The following TMEM63C variants were observed in gnomAD, a reference collection of about 807,000 sequenced individuals.
TMEM63C encodes the protein transmembrane protein 63C.
TMEM63C carries 32 observed loss-of-function variants against 99.2 expected under a neutral mutation model. The observed-to-expected ratio is 0.32, with a 90% CI of 0.24 to 0.43. The LOEUF is 0.43. Ranked by LOEUF, TMEM63C falls within the 20% of genes least tolerant of loss-of-function variation. The probability of loss-of-function intolerance (pLI) is 1.00; values close to 1 mark genes in which losing one functional copy is unlikely to be tolerated. For missense variants in TMEM63C, 826 were observed against 1,053.0 expected (o/e 0.78, Z 2.98); for synonymous variants, 376 against 397.9 (o/e 0.94, Z 0.66).
chr14:77,229,915 C>T (rs1173838683), intron 6 of TMEM63C, among the ~76,000 whole-genome samples: 2 of 151,688 alleles, frequency 1.3e-5, no homozygotes, highest in Non-Finnish European at 2.9e-5. Flanking sequence ...AAATGTACAG[C>T]TCGGCCCGGC....
In TMEM63C at chr14:77,236,667, T is replaced by G. The variant is rs776965066; in HGVS notation, c.586T>G (p.Phe196Val). The part of the protein sequence containing the change: ...WLHSLLSFFY[F>V]ITNFMFMAHH... ...GCATAGCCTGCTGTCCTTCTTCTAC[T>G]TCATCACCAACTTCATGTTCATGGC... The change falls in exon 9 of 24, where the codon TTC becomes GTC. Residue 196 changes from phenylalanine to valine, a missense_variant. Transcript: ENST00000298351. 2 of 1,612,872 alleles carry G rather than the reference T, an allele frequency of 1.2e-6. No individual in the cohort carries two copies. Among genetic ancestry groups the G allele is most frequent in the Non-Finnish European group, 1.7e-6 (2 of 1,179,374 alleles).
At chr14:77,231,555 T>C (rs1888941691) in intron 6 of TMEM63C, 33 bp from the exon 7 acceptor site, 1 of 1,550,134 alleles carries the variant, frequency 6.5e-7, no homozygotes, top group Non-Finnish European at 8.7e-7. Flanking sequence ...CGCTGGCTCC[T>C]GAGGCACGTC....
At chr14:77,252,955 A>G (rs74062871) in intron 22 of TMEM63C, among the ~76,000 whole-genome samples, 11,540 of 152,280 alleles carry the variant, frequency 0.076, 1,481 homozygotes, top group African/African-American at 0.26. Flanking sequence ...TTGGTGTAGG[A>G]CACTTTCCAA....
chr14:77,197,133 C>G (rs1158677454), intron 1 of TMEM63C, among the ~76,000 whole-genome samples: 1 of 152,220 alleles, frequency 6.6e-6, no homozygotes, highest in Non-Finnish European at 1.5e-5. Flanking sequence ...AGAGGAAGCT[C>G]TAACTGTGTT....
At chr14:77,238,821 C>A in intron 10 of TMEM63C, 54 bp downstream of exon 10, 1 of 1,444,112 alleles carries the variant, frequency 6.9e-7, no homozygotes, top group Non-Finnish European at 9.7e-7. Flanking sequence ...CATAACCCCG[C>A]CTGGGTCCTC....
At position 77,231,673 on chromosome 14, in the gene TMEM63C, A is replaced by G; in HGVS notation, c.436A>G (p.Ile146Val). ...CCACCTCATCATCTTTGTGCTCATCATCTGTATCCCCTCCCTGGGCATCAT... is the reference window on the plus strand; with the variant it reads ...CCACCTCATCATCTTTGTGCTCATCGTCTGTATCCCCTCCCTGGGCATCAT... ...QYHLIIFVLI[I>V]CIPSLGIILP... is the part of the protein sequence containing the mutation. The change falls in exon 7 of 24, where the codon ATC (isoleucine) becomes GTC (valine). Residue 146 changes from isoleucine to valine, a missense_variant. Coordinates refer to ENST00000298351, the MANE Select transcript of TMEM63C (RefSeq NM_020431.4). 3 of 1,551,668 alleles carry G rather than the reference A, an allele frequency of 1.9e-6. No homozygotes were observed. Among genetic ancestry groups the G allele is most frequent in the Non-Finnish European group, 2.6e-6 (3 of 1,146,998 alleles).
chr14:77,232,890 A>T (rs941441610), intron 7 of TMEM63C, among the ~76,000 whole-genome samples: 1 of 152,172 alleles, frequency 6.6e-6, no homozygotes, highest in African/African-American at 2.4e-5. Flanking sequence ...ACCTTAATTA[A>T]TTCAGTTTAG....
intron 1 of TMEM63C, among the ~76,000 whole-genome samples, chr14:77,205,461 T>C (rs2655996): frequency 0.57 from 86,631 of 152,020 alleles, 25,620 homozygotes; most frequent in African/African-American, 0.72. Context: ...GCAACCCCTA[T>C]CCAGTAGAGA....
intron 1 of TMEM63C, among the ~76,000 whole-genome samples, chr14:77,188,675 C>G (rs1371076844): frequency 6.6e-6 from 1 of 151,916 alleles, no homozygotes; most frequent in Non-Finnish European, 1.5e-5. Context: ...TAAGACCAGC[C>G]TGGGCAACAT....
rs1277460151 is a variant in TMEM63C, at chr14:77,218,821, C to T, written c.8C>T (p.Ala3Val). ...CCCAGGGATCCTCCCAGGATGTCTG[C>T]CTCACCAGACGACCTGAGTACAGGG... MS[A>V]SPDDLSTGGR... The change falls in exon 3 of 24, where the codon GCC (alanine) becomes GTC (valine). Residue 3 changes from alanine to valine, a missense_variant. Coordinates refer to ENST00000298351, the MANE Select transcript of TMEM63C (RefSeq NM_020431.4). 6.2e-7 allele frequency: 1 copy of T among 1,613,302 alleles called. No homozygotes were observed. Among genetic ancestry groups the T allele is most frequent in the Non-Finnish European group, 8.5e-7 (1 of 1,179,620 alleles).
At chr14:77,218,774 C>G (rs370281399) in intron 2 of TMEM63C, 27 bp from the exon 3 acceptor site, 126 of 1,609,238 alleles carry the variant, frequency 7.8e-5, no homozygotes, top group Non-Finnish European at 9.5e-5. Context: ...GTCTTTGCAT[C>G]TGACCTGGAT....
chr14:77,246,755 C>T (rs1479898170), intron 18 of TMEM63C, 81 bp downstream of exon 18: 1 of 1,191,518 alleles, frequency 8.4e-7, no homozygotes, highest in Non-Finnish European at 1.2e-6. Flanking sequence ...GAGTCCAGCA[C>T]CTGAATTTGC....
intron 9 of TMEM63C, 29 bp downstream of exon 9, chr14:77,236,761 T>C: frequency 1.3e-6 from 2 of 1,494,130 alleles, no homozygotes; most frequent in South Asian, 2.3e-5. Flanking sequence ...TGCTTCCCAC[T>C]GTGGGAAGCT....
Position 77,194,539 on chromosome 14 carries a change from TTCTTTCTTTCTTTC to T in TMEM63C, c.-77+12661_-77+12674del, listed in dbSNP as rs1566616285. Reference sequence around the variant, plus strand: ...TTTCTTTCTTTCTTTCTTTCTTTCTTTCTTTCTTTCTTTCTCTTTCTTTCTTTCTGTCTTTCTTT... The same window carrying T: ...TTTCTTTCTTTCTTTCTTTCTTTCTTTCTTTCTTTCTTTCTGTCTTTCTTT... On this transcript the variant is annotated intron_variant, in intron 1 of 23. Transcript: ENST00000298351. 1.4e-3 allele frequency among the ~76,000 whole-genome samples: 39 copies of T among 28,702 alleles called. 2 individuals are homozygous for T. Among genetic ancestry groups the T allele is most frequent in the African/African-American group, 4.1e-3 (26 of 6,362 alleles). 18.8% of individuals were successfully genotyped at this position (28,702 alleles called of 152,430 possible).
intron 1 of TMEM63C, among the ~76,000 whole-genome samples, chr14:77,209,811 A>G (rs1388512399): frequency 6.6e-6 from 1 of 152,052 alleles, no homozygotes; most frequent in African/African-American, 2.4e-5. Context: ...GGCAGAACAG[A>G]GGGTACCATG....
intron 1 of TMEM63C, among the ~76,000 whole-genome samples, chr14:77,183,781 G>C (rs897399710): frequency 1.3e-5 from 2 of 152,186 alleles, no homozygotes; most frequent in African/African-American, 4.8e-5. Context: ...GGAGCTGCTG[G>C]GGTGACCTGT....
intron 6 of TMEM63C, 99 bp downstream of exon 6, chr14:77,225,560 G>GGCCTGA (rs1210918974): frequency 7.8e-7 from 1 of 1,279,404 alleles, no homozygotes; most frequent in East Asian, 2.4e-5. Flanking sequence ...GGGAAGACAG[G>GGCCTGA]GCCTGAGCTC....
chr14:77,215,614 A>AAAAAAAAAAAAAAAAAAAAAGAAAAG (rs772701077), intron 2 of TMEM63C, among the ~76,000 whole-genome samples: 1 of 76,518 alleles, frequency 1.3e-5, no homozygotes, highest in South Asian at 5.9e-4. Flanking sequence ...AAAAAAAAAA[A>AAAAAAAAAAAAAAAAAAAAAGAAAAG]AAAAGAAAAG....
intron 1 of TMEM63C, among the ~76,000 whole-genome samples, chr14:77,198,717 G>T (rs1330572772): frequency 6.6e-6 from 1 of 152,188 alleles, no homozygotes; most frequent in African/African-American, 2.4e-5. Flanking sequence ...GCAGGAGCAG[G>T]AAACAGTTCA....
Sources: gnomAD v4.1 joint callset for allele counts (sites outside exome capture counted in the v4.1 genomes callset) on GRCh38, gnomAD v4.1.1 for gene constraint, MANE v1.5 for transcripts, NCBI Gene and HGNC (gene_info 2026-07-23, HGNC 2026-07-21) for gene names.